The following WDR59 variants were observed in gnomAD, a reference collection of about 807,000 sequenced individuals.
The protein encoded by WDR59 is GATOR2 complex protein WDR59.
Under a neutral mutation model 131.2 loss-of-function variants are expected in WDR59, and 100 were observed. The ratio of observed to expected loss-of-function variants is 0.76; its 90% CI spans 0.65 to 0.90. The LOEUF (loss-of-function observed/expected upper bound fraction) is 0.90, where lower values mean the gene tolerates loss of function less well. Among genes scored for constraint, WDR59 ranks in the 40% least tolerant of loss-of-function variants. The pLI is 0.00. For synonymous variants in WDR59, 601 were observed against 466.2 expected (o/e 1.29, Z -3.72); for missense variants, 1,203 against 1,262.2 (o/e 0.95, Z 0.71).
chr16:74,966,810 A>G (rs1426199823), intron 1 of WDR59, among the ~76,000 whole-genome samples: 1 of 152,218 alleles, frequency 6.6e-6, no homozygotes, highest in African/African-American at 2.4e-5. Flanking sequence ...GGGTCTCCCA[A>G]TTCCCAGGGA....
intron 3 of WDR59, among the ~76,000 whole-genome samples, chr16:74,953,492 T>C (rs1597789122): frequency 6.8e-6 from 1 of 146,852 alleles, no homozygotes; most frequent in African/African-American, 2.5e-5. Flanking sequence ...AAAAAAAAGT[T>C]GCCTTCCAAC....
intron 1 of WDR59, among the ~76,000 whole-genome samples, chr16:74,968,244 T>C (rs923619989): frequency 1.5e-4 from 22 of 151,490 alleles, no homozygotes; most frequent in African/African-American, 2.7e-4. Flanking sequence ...TTTAAATCTA[T>C]GTCTAGATGT....
At chr16:74,892,291 A>G (rs1965080804) in intron 20 of WDR59, among the ~76,000 whole-genome samples, 193 bp downstream of exon 20, 1 of 152,208 alleles carries the variant, frequency 6.6e-6, no homozygotes, top group Non-Finnish European at 1.5e-5. Context: ...GACCTTCCCA[A>G]CTGAGCACCA....
rs1461401476 is a variant in WDR59, at chr16:74,981,639, TATATATATATATATATATA to T, written c.54+3306_54+3324del. 4.9e-3 allele frequency among the ~76,000 whole-genome samples: 200 copies of T among 40,850 alleles called. 23 individuals carry two copies. Among genetic ancestry groups the T allele is most frequent in the East Asian group, 0.013 (28 of 2,188 alleles). 26.8% of individuals were successfully genotyped at this position (40,850 alleles called of 152,430 possible). A position where few individuals can be genotyped will look rare whatever the true frequency, so the allele number is the denominator to read the frequency against. On this transcript the variant is annotated intron_variant, in intron 1 of 25. Transcript: ENST00000262144. ...ATATATATATATATATATATATATA[TATATATATATATATATATA>T]TATTTTTTTTTTTTTTAGATGGAGT...
intron 18 of WDR59, among the ~76,000 whole-genome samples, chr16:74,897,854 C>A (rs925818718): frequency 1.3e-5 from 2 of 152,046 alleles, no homozygotes; most frequent in African/African-American, 4.8e-5. Context: ...ACATAAATAT[C>A]TCCCCTTCAG....
At chr16:74,976,351 G>A (rs965330948) in intron 1 of WDR59, among the ~76,000 whole-genome samples, 1 of 151,946 alleles carries the variant, frequency 6.6e-6, no homozygotes, top group Admixed American at 6.6e-5. Flanking sequence ...ACTTTCTGCT[G>A]AGATGATTCA....
At chr16:74,893,303 A>G (rs1158768576) in intron 19 of WDR59, among the ~76,000 whole-genome samples, 1 of 152,192 alleles carries the variant, frequency 6.6e-6, no homozygotes, top group Non-Finnish European at 1.5e-5. Flanking sequence ...TGCTGGTCTC[A>G]AGACGAAATT....
At chr16:74,905,669 G>A (rs993450161) in intron 17 of WDR59, among the ~76,000 whole-genome samples, 3 of 151,200 alleles carry the variant, frequency 2.0e-5, no homozygotes, top group African/African-American at 7.3e-5. Flanking sequence ...GCAACAGAGC[G>A]AGATTCTGAC....
chr16:74,909,344 G>A (rs527981912), intron 16 of WDR59, among the ~76,000 whole-genome samples, 157 bp downstream of exon 16: 2 of 152,244 alleles, frequency 1.3e-5, no homozygotes, highest in Admixed American at 6.5e-5. Flanking sequence ...CACAGACACC[G>A]ACTGGGCCTC....
Position 74,915,848 on chromosome 16 carries a change from T to C in WDR59, c.1224+22A>G, listed in dbSNP as rs1966341716. The C allele has an allele frequency of 3.1e-6, 5 of 1,614,212 alleles. No homozygotes were observed. The South Asian group carries it at 3.3e-5, about 11-fold the overall frequency. On this transcript the variant is annotated intron_variant, in intron 13 of 25. Coordinates refer to ENST00000262144, the MANE Select transcript of WDR59 (RefSeq NM_030581.4). ...CAAACTGCCATCAGCAAACATGAGA[T>C]ACAGTTGATTAAACTAAGTACCTCC...
At chr16:74,981,846 G>A (rs577679503) in intron 1 of WDR59, among the ~76,000 whole-genome samples, 12 of 140,646 alleles carry the variant, frequency 8.5e-5, no homozygotes, top group Admixed American at 8.4e-4. Flanking sequence ...AGTAGAGATA[G>A]GGTTTCACCA....
chr16:74,962,147 A>G (rs118039630), intron 2 of WDR59, among the ~76,000 whole-genome samples: 4,438 of 152,182 alleles, frequency 0.029, 108 homozygotes, highest in Non-Finnish European at 0.047. Flanking sequence ...CCATTGGTCT[A>G]TATGTCTGCT....
At chr16:74,877,143 A>G (rs1188738394) in intron 25 of WDR59, among the ~76,000 whole-genome samples, 1 of 152,126 alleles carries the variant, frequency 6.6e-6, no homozygotes, top group Non-Finnish European at 1.5e-5. Context: ...CGATCAATCA[A>G]CGCGGTGAGG....
chr16:74,935,486 T>C (rs2031726629), intron 8 of WDR59, among the ~76,000 whole-genome samples: 1 of 152,104 alleles, frequency 6.6e-6, no homozygotes, highest in Non-Finnish European at 1.5e-5. Context: ...ATTTATAAAC[T>C]GAAGTGAAAT....
At chr16:74,917,846 A>T in intron 11 of WDR59, 83 bp downstream of exon 11, 1 of 1,152,944 alleles carries the variant, frequency 8.7e-7, no homozygotes, top group Non-Finnish European at 1.3e-6. Flanking sequence ...TTTATCCTGT[A>T]ACCTCTAATT....
chr16:74,935,746 G>C (rs946020033), intron 8 of WDR59, among the ~76,000 whole-genome samples: 17 of 151,812 alleles, frequency 1.1e-4, no homozygotes, highest in Admixed American at 3.3e-4. Context: ...AAATTGTCTT[G>C]CTAGCACTGT....
chr16:74,952,025 C>G (rs1366810171), intron 3 of WDR59, among the ~76,000 whole-genome samples: 1 of 151,738 alleles, frequency 6.6e-6, no homozygotes, highest in African/African-American at 2.4e-5. Context: ...CTACATTGCC[C>G]ACGCTTTTCT....
Position 74,948,643 on chromosome 16 carries a change from C to A in WDR59, c.408-87G>T, listed in dbSNP as rs942609024. 5.2e-6 allele frequency: 6 copies of A among 1,160,320 alleles called. No individual in the cohort carries two copies. In the African/African-American group the frequency reaches 9.1e-5, roughly 18 times the overall value. The allele number at this position is 1,160,320 out of a possible 1,614,324, so 71.9% of individuals were successfully genotyped here. On this transcript the variant is annotated intron_variant, in intron 5 of 25. Coordinates refer to ENST00000262144, the MANE Select transcript of WDR59 (RefSeq NM_030581.4). ...TTCACCCTTTGCACACAATTCTTCGCTTTCCTTTCAGTGGGAACTTGGAGT... is the reference window on the plus strand; with the variant it reads ...TTCACCCTTTGCACACAATTCTTCGATTTCCTTTCAGTGGGAACTTGGAGT...
At chr16:74,914,294 A>G (rs906355828) in intron 13 of WDR59, among the ~76,000 whole-genome samples, 1 of 152,242 alleles carries the variant, frequency 6.6e-6, no homozygotes, top group Non-Finnish European at 1.5e-5. Context: ...GAAAGGAATC[A>G]AGATCTTAAA....
Sources: allele counts gnomAD v4.1 joint callset (sites outside exome capture counted in the v4.1 genomes callset), GRCh38; gene constraint gnomAD v4.1.1; transcripts MANE v1.5; gene names NCBI Gene and HGNC (gene_info 2026-07-23, HGNC 2026-07-21).